Variants in UGT3A1 observed in about 807,000 individuals in gnomAD.
The protein encoded by UGT3A1 is UDP glycosyltransferase family 3 member A1, also known as UDP-glycosyltransferase 3A1.
A neutral mutation model predicts 37.6 loss-of-function variants in UGT3A1; 40 were observed. That is an observed-to-expected ratio of 1.06 (90% CI 0.83 to 1.38). UGT3A1 has a LOEUF of 1.38. UGT3A1 is among the 40% of genes most tolerant of loss of function. The probability of loss-of-function intolerance (pLI) is 0.00; values close to 1 mark genes in which losing one functional copy is unlikely to be tolerated. For missense variants in UGT3A1, 642 were observed against 634.2 expected, an observed-to-expected ratio of 1.01 and a Z score of -0.13; for synonymous variants, 256 against 232.3, an observed-to-expected ratio of 1.10 and a Z score of -0.93.
At chr5:36,000,653 A>T (rs1354399584) in intron 1 of UGT3A1, among the ~76,000 whole-genome samples, 2 of 152,232 alleles carry the variant, frequency 1.3e-5, no homozygotes, top group Non-Finnish European at 2.9e-5. Context: ...GCTGTTGTGG[A>T]CTGTTTAACC....
intron 2 of UGT3A1, among the ~76,000 whole-genome samples, chr5:35,973,304 T>A (rs114126964): frequency 6.6e-6 from 1 of 152,168 alleles, no homozygotes. Flanking sequence ...GAAGGTTCAC[T>A]ATACACCAAA....
At chr5:35,961,779 A>G (rs1739596835) in intron 4 of UGT3A1, 1 of 152,224 alleles carries the variant, frequency 6.6e-6, no homozygotes, top group South Asian at 2.1e-4. Context: ...TCCTCCTGAT[A>G]TCAGGGGCTG....
At chr5:35,984,574 G>C (rs1004875443) in intron 2 of UGT3A1, among the ~76,000 whole-genome samples, 2 of 149,642 alleles carry the variant, frequency 1.3e-5, no homozygotes, top group Non-Finnish European at 3.0e-5. Flanking sequence ...CCAAGTTCAA[G>C]TACTTATCGT....
upstream of UGT3A1, among the ~76,000 whole-genome samples, chr5:35,996,140 ACTCTTGC>A (rs2111589203): frequency 6.6e-6 from 1 of 152,128 alleles, no homozygotes; most frequent in Admixed American, 6.6e-5. Context: ...CCATCTGAAG[ACTCTTGC>A]CTCCCAGTCT....
intron 1 of UGT3A1, among the ~76,000 whole-genome samples, chr5:36,000,341 A>G (rs936726769): frequency 2.0e-5 from 3 of 152,260 alleles, no homozygotes; most frequent in African/African-American, 7.2e-5. Flanking sequence ...GATTTAGTAA[A>G]GAATTCCTTT....
At chr5:35,977,508 GA>G (rs1395984362) in intron 2 of UGT3A1, among the ~76,000 whole-genome samples, 1 of 152,128 alleles carries the variant, frequency 6.6e-6, no homozygotes, top group Non-Finnish European at 1.5e-5. Flanking sequence ...ATTCACACAA[GA>G]GCTGGTTATT....
chr5:35,998,201 C>T (rs1478028080), intron 1 of UGT3A1, among the ~76,000 whole-genome samples: 1 of 152,178 alleles, frequency 6.6e-6, no homozygotes. Context: ...CTACAAATTT[C>T]CTTTCTCCCT....
At chr5:35,964,853 GCCCACC>G (rs1381512381) in intron 4 of UGT3A1, among the ~76,000 whole-genome samples, 1 of 152,164 alleles carries the variant, frequency 6.6e-6, no homozygotes, top group Non-Finnish European at 1.5e-5. Flanking sequence ...AATGGCAGGG[GCCCACC>G]CCAGACAAAT....
At chr5:35,990,046 G>C (rs1219644668) in intron 1 of UGT3A1, among the ~76,000 whole-genome samples, 3 of 151,572 alleles carry the variant, frequency 2.0e-5, no homozygotes. Context: ...GAGTTGAGAT[G>C]GCGCCACTGC....
chr5:35,996,100 T>C (rs1741089663), upstream of UGT3A1, among the ~76,000 whole-genome samples: 1 of 151,170 alleles, frequency 6.6e-6, no homozygotes, highest in African/African-American at 2.4e-5. Flanking sequence ...TTCTCAAACC[T>C]CTCAGCCCCA....
chr5:35,954,371 G>C lies in UGT3A1; in HGVS notation c.1403C>G (p.Ala468Gly). Residue 468 changes from alanine to glycine, a missense_variant, in exon 7 of 7, where the codon GCG becomes GGG. Physicochemically the swap from Ala to Gly is moderately conservative, Grantham distance 60. Transcript: ENST00000274278. ...WIDHILQTGG[A>G]THLKPYAFQQ... Reference sequence around the variant, plus strand: ...GAAGGCATAGGGCTTGAGGTGCGTCGCTCCCCCAGTCTGGAGGATGTGGTC... The same window carrying C: ...GAAGGCATAGGGCTTGAGGTGCGTCCCTCCCCCAGTCTGGAGGATGTGGTC... 6.2e-7 allele frequency: 1 copy of C among 1,614,148 alleles called. No homozygotes were observed. Among genetic ancestry groups the C allele is most frequent in the Non-Finnish European group, 8.5e-7 (1 of 1,180,024 alleles).
Position 35,984,310 on chromosome 5 carries a change from A to C in UGT3A1, c.196+4140T>G, listed in dbSNP as rs1740644128. ...AGAAATTCCATTTATATGGCTTGAG[A>C]ATTGATGCTCAGTCTTATTTATATT... On this transcript the variant is annotated intron_variant, in intron 2 of 6. Transcript: ENST00000274278. Among the ~76,000 whole-genome samples, 3 of 152,168 alleles carry C rather than the reference A, an allele frequency of 2.0e-5. No homozygotes were observed. In the South Asian group the frequency reaches 6.2e-4, roughly 32 times the overall value.
At chr5:35,991,479 T>A (rs114211350), upstream of UGT3A1, 44 of 1,339,704 alleles carry the variant, frequency 3.3e-5, no homozygotes, top group African/African-American at 6.2e-4. Flanking sequence ...CTGAAGTCAG[T>A]AGGAGGGGGT....
At chr5:35,989,401 A>T (rs141140933) in intron 1 of UGT3A1, among the ~76,000 whole-genome samples, 1 of 152,340 alleles carries the variant, frequency 6.6e-6, no homozygotes, top group East Asian at 1.9e-4. Flanking sequence ...GCAGCAGAAA[A>T]AGAAAGATCA....
At position 35,954,449 on chromosome 5, in the gene UGT3A1, A is replaced by G. The variant is rs929268982; in HGVS notation, c.1325T>C (p.Val442Ala). 2 of 1,614,022 alleles carry G rather than the reference A, an allele frequency of 1.2e-6. No homozygotes were observed. The highest frequency in any genetic ancestry group is 2.7e-5 in the African/African-American group (2 of 74,938). The change falls in exon 7 of 7, where the codon GTC becomes GCC. Residue 442 changes from valine to alanine, a missense_variant. Physicochemically the swap from Val to Ala is moderately conservative, Grantham distance 64 (BLOSUM62 0). Coordinates refer to ENST00000274278, the MANE Select transcript of UGT3A1 (RefSeq NM_152404.4). ...GCTCAGGGGCTGAGAGTGCAGGATG[A>G]CACTGGCTGCCACCACTGCCGACTT... ...RYKSAVVAAS[V>A]ILHSQPLSPA... is the part of the protein sequence containing the mutation.
intron 2 of UGT3A1, among the ~76,000 whole-genome samples, chr5:35,987,680 G>A (rs1402011280): frequency 1.3e-5 from 2 of 152,088 alleles, no homozygotes; most frequent in Non-Finnish European, 2.9e-5. Context: ...ATTTTATAAT[G>A]ACTCAGACTT....
At position 35,952,456 on chromosome 5, in the gene UGT3A1, A is replaced by T. The variant is rs1739216026; in HGVS notation, c.*1746T>A. ...GGGTGCTTGGACAGAGCAAGATTAG[A>T]AGCATCATTCTGGCTCATTGGCTGC... On this transcript the variant is annotated 3_prime_UTR_variant, in exon 7 of 7. Coordinates refer to ENST00000274278, the MANE Select transcript of UGT3A1 (RefSeq NM_152404.4). 6.6e-6 allele frequency: 1 copy of T among 152,216 alleles called. No individual in the cohort carries two copies. The highest frequency in any genetic ancestry group is 1.5e-5 in the Non-Finnish European group (1 of 68,054). 9.4% of individuals were successfully genotyped at this position (152,216 alleles called of 1,614,324 possible).
chr5:35,994,041 A>G (rs938648608), upstream of UGT3A1, among the ~76,000 whole-genome samples: 2 of 152,196 alleles, frequency 1.3e-5, no homozygotes, highest in Admixed American at 6.5e-5. Context: ...TGTTTAAAAA[A>G]AAACTCCTTT....
chr5:35,965,782 G>A lies in UGT3A1; in HGVS notation c.447C>T (p.Phe149=), dbSNP rs1188793873. 4.3e-6 allele frequency: 7 copies of A among 1,614,060 alleles called. No homozygotes were observed. Among genetic ancestry groups the A allele is most frequent in the Non-Finnish European group, 5.9e-6 (7 of 1,180,036 alleles). ...GCTTCTCAGCAATCAGGAAAGAACA[G>A]AAATCAAATGCTTCAACAAATACCA... ...YDLVFVEAFD[F]CSFLIAEKLV... is the part of the protein sequence containing the mutation. The change falls in exon 4 of 7, where the codon TTC becomes TTT. Residue 149 remains phenylalanine (F), a synonymous_variant. Transcript: ENST00000274278.
Sources: allele counts gnomAD v4.1 joint callset (sites outside exome capture counted in the v4.1 genomes callset), GRCh38; gene constraint gnomAD v4.1.1; transcripts MANE v1.5; gene names NCBI Gene and HGNC (gene_info 2026-07-23, HGNC 2026-07-21).